API5: variants seen among roughly 807,000 people sequenced by gnomAD.
API5 encodes apoptosis inhibitor 5.
In API5, 6 loss-of-function variants were observed where a neutral mutation model predicts 71.9. The observed-to-expected ratio is 0.08, with a 90% CI of 0.05 to 0.16. The LOEUF is 0.16. Among genes scored for constraint, API5 ranks in the 10% least tolerant of loss-of-function variants. API5 has a pLI of 1.00. For missense variants in API5, 332 were observed against 612.8 expected, an observed-to-expected ratio of 0.54 and a Z score of 4.84; for synonymous variants, 189 against 221.3, an observed-to-expected ratio of 0.85 and a Z score of 1.30.
chr11:43,316,427 T>G (rs1412577306), intron 1 of API5, among the ~76,000 whole-genome samples: 3 of 151,250 alleles, frequency 2.0e-5, no homozygotes, highest in Non-Finnish European at 2.9e-5. Flanking sequence ...GTGTAAGGAG[T>G]TTCTTCAAAT....
Position 43,344,352 on chromosome 11 carries a change from A to ACCCTTC in API5, c.*1851_*1856dup, listed in dbSNP as rs1398020909. 13 of 152,296 alleles carry ACCCTTC rather than the reference A, an allele frequency of 8.5e-5. No homozygotes were observed. Among genetic ancestry groups the ACCCTTC allele is most frequent in the Non-Finnish European group, 1.9e-4 (13 of 67,942 alleles). The allele number at this position is 152,296 out of a possible 1,614,324, so 9.4% of individuals were successfully genotyped here. A position where few individuals can be genotyped will look rare whatever the true frequency, so the allele number is the denominator to read the frequency against. Reference sequence around the variant, plus strand: ...TGAGTTGACTGTTCCCTTATCCCTCACCCTTCCCCTTCCCTTTCCTAAGGC... The same window carrying ACCCTTC: ...TGAGTTGACTGTTCCCTTATCCCTCACCCTTCCCCTTCCCCTTCCCTTTCCTAAGGC... On this transcript the variant is annotated 3_prime_UTR_variant, in exon 14 of 14. Transcript: ENST00000531273.
chr11:43,316,107 A>G (rs1854659921), intron 1 of API5, among the ~76,000 whole-genome samples: 1 of 151,242 alleles, frequency 6.6e-6, no homozygotes, highest in Non-Finnish European at 1.5e-5. Flanking sequence ...ATTTCATGAA[A>G]TAACCACTCT....
intron 13 of API5, chr11:43,336,282 A>G: frequency 4.8e-6 from 2 of 415,670 alleles, no homozygotes; most frequent in South Asian, 1.6e-4. Context: ...TGACAGAACC[A>G]TTCTTTCCAT....
At chr11:43,332,631 G>A (rs911521575) in intron 11 of API5, among the ~76,000 whole-genome samples, 1 of 152,088 alleles carries the variant, frequency 6.6e-6, no homozygotes, top group African/African-American at 2.4e-5. Context: ...TACTCTCCCA[G>A]CACGTGGGTG....
intron 13 of API5, among the ~76,000 whole-genome samples, chr11:43,338,525 AT>A (rs921792418): frequency 6.6e-6 from 1 of 151,920 alleles, no homozygotes; most frequent in Non-Finnish European, 1.5e-5. Flanking sequence ...TAAAAAAAAA[AT>A]GTAAGCTTGA....
Position 43,320,913 on chromosome 11 carries a change from A to C in API5, c.324A>C (p.Thr108=). ...ATATACTAACGCAACTTTTGCAGAC[A>C]GGTAAGGGATTTTATTATTACCTTT... The part of the protein sequence containing the change: ...VADILTQLLQ[T]DDSAEFNLVN... The change falls in exon 3 of 14, where the codon ACA becomes ACC. Residue 108 remains threonine, a splice_region_variant and synonymous_variant. Coordinates refer to ENST00000531273, the MANE Select transcript of API5 (RefSeq NM_001142930.2). The C allele has an allele frequency of 6.2e-7, 1 of 1,606,800 alleles. No individual in the cohort carries two copies. Among genetic ancestry groups the C allele is most frequent in the Non-Finnish European group, 8.5e-7 (1 of 1,175,652 alleles).
rs7930428 is a variant in API5, at chr11:43,333,834, A to G, written c.1279-1444A>G. Among the ~76,000 whole-genome samples the G allele has an allele frequency of 4.4e-3, 669 of 152,332 alleles. 4 individuals carry two copies. The highest frequency in any genetic ancestry group is 0.016 in the African/African-American group (650 of 41,584). On this transcript the variant is annotated intron_variant, in intron 11 of 13. Transcript: ENST00000531273. Reference sequence around the variant, plus strand: ...TCATGCATCAGAGAAGAAAACAGCCATGAGTCGGTTTCCAGGAGTTAACTT... The same window carrying G: ...TCATGCATCAGAGAAGAAAACAGCCGTGAGTCGGTTTCCAGGAGTTAACTT...
chr11:43,343,598 T>C lies in API5; in HGVS notation c.*1088T>C, dbSNP rs1855692288. 6.6e-6 allele frequency: 1 copy of C among 152,602 alleles called. No homozygotes were observed. Among genetic ancestry groups the C allele is most frequent in the Non-Finnish European group, 1.5e-5 (1 of 68,024 alleles). The allele number at this position is 152,602 out of a possible 1,614,324, so 9.5% of individuals were successfully genotyped here. On this transcript the variant is annotated 3_prime_UTR_variant, in exon 14 of 14. Coordinates refer to ENST00000531273, the MANE Select transcript of API5 (RefSeq NM_001142930.2). ...CATGGTACCAATAAGTAAGGGATGCTCTCTCGGTTTGCTTTTGCCACTTTC... is the reference window on the plus strand; with the variant it reads ...CATGGTACCAATAAGTAAGGGATGCCCTCTCGGTTTGCTTTTGCCACTTTC...
rs1855155682 is a variant in API5, at chr11:43,328,786, C to G, written c.1020C>G (p.Phe340Leu). ...NAGNEEPKLQ[F>L]SYVECLLYSF... ...GTAATGAAGAACCCAAGCTACAGTTCAGTTATGTGGAATGTTTGTTGTACA... is the reference window on the plus strand; with the variant it reads ...GTAATGAAGAACCCAAGCTACAGTTGAGTTATGTGGAATGTTTGTTGTACA... Residue 340 changes from phenylalanine to leucine, a missense_variant, in exon 9 of 14, where the codon TTC (phenylalanine) becomes TTG (leucine). This residue lies in a region of API5 where 168 missense variants were observed against 343.9 expected (regional missense o/e 0.49). Coordinates refer to ENST00000531273, the MANE Select transcript of API5 (RefSeq NM_001142930.2). The G allele has an allele frequency of 6.2e-7, 1 of 1,613,824 alleles. No individual in the cohort carries two copies. The highest frequency in any genetic ancestry group is 1.7e-5 in the Admixed American group (1 of 59,958).
In API5 at chr11:43,342,408, C is replaced by G; in HGVS notation, c.1493-20C>G. 6.3e-7 allele frequency: 1 copy of G among 1,575,908 alleles called. No homozygotes were observed. The highest frequency in any genetic ancestry group is 8.6e-7 in the Non-Finnish European group (1 of 1,161,868). On this transcript the variant is annotated intron_variant, in intron 13 of 13. Transcript: ENST00000531273. ...ATGAAATCCTAAGCAAGACCTAAAC[C>G]CTTGTTCGCTTTTTCGTAGAGCAGA... is the stretch of plus-strand genomic sequence containing the variant.
intron 1 of API5, among the ~76,000 whole-genome samples, chr11:43,317,138 A>G (rs952892296): frequency 8.5e-5 from 13 of 152,220 alleles, no homozygotes; most frequent in Admixed American, 6.5e-5. Context: ...CTTATACATA[A>G]TAAATACTAT....
In API5 at chr11:43,327,893, C is replaced by A; in HGVS notation, c.945+15C>A. 6.4e-7 allele frequency: 1 copy of A among 1,557,006 alleles called. No individual in the cohort carries two copies. Among genetic ancestry groups the A allele is most frequent in the Non-Finnish European group, 8.8e-7 (1 of 1,131,588 alleles). ...ATAAGTTATTGGTAAGAACTTTTTC[C>A]TTTCCTTATGGGATAGTCAGTATAT... On this transcript the variant is annotated intron_variant, in intron 8 of 13. Coordinates refer to ENST00000531273, the MANE Select transcript of API5 (RefSeq NM_001142930.2).
In API5 at chr11:43,344,235, A is replaced by G. The variant is rs1855712529; in HGVS notation, c.*1725A>G. The G allele has an allele frequency of 6.6e-6, 1 of 152,642 alleles. No individual in the cohort carries two copies. Among genetic ancestry groups the G allele is most frequent in the African/African-American group, 2.4e-5 (1 of 41,478 alleles). 9.5% of individuals were successfully genotyped at this position (152,642 alleles called of 1,614,324 possible). A position where few individuals can be genotyped will look rare whatever the true frequency, so the allele number is the denominator to read the frequency against. ...AGACTACAGCTAAATAAATTTGAAC[A>G]TTAAATATAATTTTACCACTTTTTG... On this transcript the variant is annotated 3_prime_UTR_variant, in exon 14 of 14. Coordinates refer to ENST00000531273, the MANE Select transcript of API5 (RefSeq NM_001142930.2).
At chr11:43,313,041 A>G (rs1854540986) in intron 1 of API5, among the ~76,000 whole-genome samples, 1 of 148,092 alleles carries the variant, frequency 6.8e-6, no homozygotes, top group African/African-American at 2.5e-5. Context: ...CGGGAGGCAG[A>G]GGTTGCGGTG....
intron 1 of API5, among the ~76,000 whole-genome samples, chr11:43,313,106 CA>C (rs34061133): frequency 1.9e-3 from 208 of 106,792 alleles, no homozygotes; most frequent in Middle Eastern, 5.0e-3. Flanking sequence ...GACCCCGTCT[CA>C]AAAAAAAAAA....
chr11:43,331,105 C>T (rs1002481815), intron 11 of API5, among the ~76,000 whole-genome samples: 14 of 152,138 alleles, frequency 9.2e-5, no homozygotes, highest in Admixed American at 3.9e-4. Context: ...TTTGTAACAC[C>T]TAGAGCAGTA....
At chr11:43,318,127 A>G (rs1442639545) in intron 1 of API5, among the ~76,000 whole-genome samples, 2 of 152,214 alleles carry the variant, frequency 1.3e-5, no homozygotes, top group Admixed American at 1.3e-4. Flanking sequence ...CTCCTGCCTC[A>G]GCCTCCCGAG....
chr11:43,330,666 G>A, intron 11 of API5, 102 bp downstream of exon 11: 1 of 900,766 alleles, frequency 1.1e-6, no homozygotes, highest in Non-Finnish European at 1.7e-6. Flanking sequence ...AGGGAGGCAT[G>A]CAAACTTCTT....
intron 1 of API5, among the ~76,000 whole-genome samples, chr11:43,317,242 C>A (rs1307809505): frequency 1.3e-5 from 2 of 152,070 alleles, no homozygotes; most frequent in African/African-American, 4.8e-5. Flanking sequence ...TATGTGTAGT[C>A]TTTCTGTATT....
Sources: gnomAD v4.1 joint callset for allele counts (sites outside exome capture counted in the v4.1 genomes callset) on GRCh38, gnomAD v4.1.1 for gene constraint, gnomAD v4.1.1 regional missense constraint, MANE v1.5 for transcripts, NCBI Gene and HGNC (gene_info 2026-07-23, HGNC 2026-07-21) for gene names.